The following CAPN8 variants were observed in gnomAD, a reference collection of about 807,000 sequenced individuals.
The protein encoded by CAPN8 is calpain-8.
Under a neutral mutation model 80.9 loss-of-function variants are expected in CAPN8, and 87 were observed. The observed-to-expected ratio is 1.07, with a 90% CI of 0.90 to 1.28. The LOEUF (loss-of-function observed/expected upper bound fraction) is 1.28, where lower values mean the gene tolerates loss of function less well. Ranked by LOEUF, CAPN8 falls within the 50% of genes most tolerant of loss-of-function variation. CAPN8 has a pLI of 0.00. For synonymous variants in CAPN8, 299 were observed against 273.8 expected (o/e 1.09, Z -0.91); for missense variants, 757 against 702.0 (o/e 1.08, Z -0.89).
chr1:223,643,625 G>A (rs1658104589), intron 2 of CAPN8, among the ~76,000 whole-genome samples: 1 of 152,252 alleles, frequency 6.6e-6, no homozygotes, highest in Non-Finnish European at 1.5e-5. Context: ...TGGTGGGCAG[G>A]GCAACTGCAG....
intron 1 of CAPN8, among the ~76,000 whole-genome samples, chr1:223,663,031 G>A (rs1109223): frequency 0.65 from 98,526 of 152,034 alleles, 32,563 homozygotes; most frequent in African/African-American, 0.73. Context: ...ATTTTGACAC[G>A]CATTTATTTA....
chr1:223,648,177 G>A (rs1266658090), intron 2 of CAPN8, among the ~76,000 whole-genome samples: 2 of 152,206 alleles, frequency 1.3e-5, no homozygotes, highest in African/African-American at 4.8e-5. Flanking sequence ...ACCAGAGGGC[G>A]ATGAGCACCA....
intron 7 of CAPN8, 160 bp downstream of exon 7, chr1:223,622,655 G>A (rs1012415240): frequency 1.6e-6 from 1 of 632,498 alleles, no homozygotes; most frequent in Non-Finnish European, 2.8e-6. Flanking sequence ...GCTTTTCCCA[G>A]CCTGGATCCA....
intron 2 of CAPN8, among the ~76,000 whole-genome samples, chr1:223,641,754 G>A (rs1658048630): frequency 6.6e-6 from 1 of 152,198 alleles, no homozygotes; most frequent in Non-Finnish European, 1.5e-5. Flanking sequence ...TCTCCTTCCT[G>A]CAGCCTGGAA....
chr1:223,647,489 C>A (rs1472377341), intron 2 of CAPN8, among the ~76,000 whole-genome samples: 1 of 152,094 alleles, frequency 6.6e-6, no homozygotes, highest in African/African-American at 2.4e-5. Context: ...GGAATGTAAC[C>A]ACTTGCCTTA....
chr1:223,643,874 T>A (rs1422601735), intron 2 of CAPN8, among the ~76,000 whole-genome samples: 2 of 152,182 alleles, frequency 1.3e-5, no homozygotes, highest in Non-Finnish European at 2.9e-5. Context: ...TGCTTGCCGA[T>A]CTAGTCTGTC....
intron 2 of CAPN8, 72 bp from the exon 3 acceptor site, chr1:223,628,852 C>G: frequency 8.2e-7 from 1 of 1,213,034 alleles, no homozygotes. Flanking sequence ...CTGACCCTGT[C>G]CCATTCAACC....
chr1:223,616,109 A>C lies in CAPN8; in HGVS notation c.1172T>G (p.Leu391Trp). The change falls in exon 10 of 21, where the codon TTG becomes TGG. Residue 391 changes from leucine (L) to tryptophan (W), a missense_variant. Physicochemically the swap from Leu to Trp is moderately conservative, Grantham distance 61 (BLOSUM62 -2). Coordinates refer to ENST00000366872, the MANE Select transcript of CAPN8 (RefSeq NM_001143962.2). ...CTCCTGGTCCTCATCCACTTCATCC[A>C]AACGGATTTTGAACTGGGGATTGGT... ...YWTNPQFKIR[L>W]DEVDEDQEES... 8 of 1,551,772 alleles carry C rather than the reference A, an allele frequency of 5.2e-6. No homozygotes were observed. The highest frequency in any genetic ancestry group is 7.0e-6 in the Non-Finnish European group (8 of 1,146,924).
chr1:223,631,549 AT>A (rs1292047938), intron 2 of CAPN8, among the ~76,000 whole-genome samples: 1 of 152,188 alleles, frequency 6.6e-6, no homozygotes, highest in Admixed American at 6.5e-5. Context: ...TCATCTCGGC[AT>A]CCCCAGCAGG....
intron 2 of CAPN8, among the ~76,000 whole-genome samples, chr1:223,651,867 C>T (rs150659331): frequency 6.6e-6 from 1 of 152,288 alleles, no homozygotes; most frequent in African/African-American, 2.4e-5. Context: ...AGTGTGCTGC[C>T]TTCAATACAA....
At chr1:223,547,329 C>T (rs1354042109) in intron 16 of CAPN8, among the ~76,000 whole-genome samples, 3 of 152,134 alleles carry the variant, frequency 2.0e-5, no homozygotes, top group African/African-American at 7.2e-5. Context: ...GTAATTGAAA[C>T]ATCATGTTCA....
chr1:223,624,155 C>G (rs576347977), intron 6 of CAPN8, among the ~76,000 whole-genome samples: 1 of 152,304 alleles, frequency 6.6e-6, no homozygotes, highest in East Asian at 1.9e-4. Flanking sequence ...ACTGCAGGCT[C>G]TCAAGCGCCT....
intron 14 of CAPN8, among the ~76,000 whole-genome samples, chr1:223,552,774 C>T (rs963566236): frequency 0.03 from 4,506 of 152,182 alleles, 172 homozygotes; most frequent in African/African-American, 0.089. Context: ...GTGACCAATA[C>T]TGCCCCATGC....
At chr1:223,621,346 A>G (rs75303199) in intron 7 of CAPN8, among the ~76,000 whole-genome samples, 1,693 of 151,410 alleles carry the variant, frequency 0.011, 23 homozygotes, top group African/African-American at 0.037. Context: ...GCTGATATAT[A>G]TAATTATCCC....
chr1:223,616,080 T>C lies in CAPN8; in HGVS notation c.1201A>G (p.Ser401Gly), dbSNP rs568750233. 42 of 1,552,132 alleles carry C rather than the reference T, an allele frequency of 2.7e-5. No individual in the cohort carries two copies. In the African/African-American group the frequency reaches 5.3e-4, roughly 20 times the overall value. ...ACTGTACAGCAGGGTTCACCGATGC[T>C]CTCCTCCTGGTCCTCATCCACTTCA... ...LDEVDEDQEE[S>G]IGEPCCTVLL... The change falls in exon 10 of 21, where the codon AGC (serine) becomes GGC (glycine). Residue 401 changes from serine (S) to glycine (G), a missense_variant. Transcript: ENST00000366872.
intron 19 of CAPN8, among the ~76,000 whole-genome samples, 178 bp downstream of exon 19, chr1:223,543,889 C>T (rs1050344110): frequency 1.3e-5 from 2 of 152,206 alleles, no homozygotes; most frequent in African/African-American, 2.4e-5. Flanking sequence ...CTTCCTCAGC[C>T]CCTTCAGGTC....
intron 11 of CAPN8, among the ~76,000 whole-genome samples, chr1:223,609,961 G>A (rs1298921110): frequency 4.6e-5 from 7 of 152,196 alleles, no homozygotes; most frequent in Admixed American, 1.3e-4. Context: ...CCAGGGCCTC[G>A]ACTCTCCTCA....
intron 9 of CAPN8, chr1:223,617,276 T>A (rs1427438916): frequency 1.7e-5 from 2 of 117,114 alleles, no homozygotes; most frequent in African/African-American, 6.1e-5. Context: ...TTCCACTTTT[T>A]TTTTGGGGGG....
Position 223,615,746 on chromosome 1 carries a change from ACACATCT to A in CAPN8, c.1311+217_1311+223del, listed in dbSNP as rs748419590. 11 of 668,216 alleles carry A rather than the reference ACACATCT, an allele frequency of 1.6e-5. No individual in the cohort carries two copies. In the African/African-American group the frequency reaches 1.9e-4, roughly 12 times the overall value. The allele number at this position is 668,216 out of a possible 1,614,324, so 41.4% of individuals were successfully genotyped here. ...AATGACAGGCAAAGGTTAATGTATC[ACACATCT>A]CAATGTTAACAGCAGAGACTTAAGC... On this transcript the variant is annotated intron_variant, in intron 10 of 20. Coordinates refer to ENST00000366872, the MANE Select transcript of CAPN8 (RefSeq NM_001143962.2).
Sources: gnomAD v4.1 joint callset for allele counts (sites outside exome capture counted in the v4.1 genomes callset) on GRCh38, gnomAD v4.1.1 for gene constraint, MANE v1.5 for transcripts, NCBI Gene and HGNC (gene_info 2026-07-23, HGNC 2026-07-21) for gene names.